Variants in DLGAP2 observed in about 807,000 individuals in gnomAD.
DLGAP2 encodes DLG associated protein 2, also known as disks large-associated protein 2.
Under a neutral mutation model 100.3 loss-of-function variants are expected in DLGAP2, and 26 were observed. That is an observed-to-expected ratio of 0.26 (90% CI 0.19 to 0.36). The LOEUF (loss-of-function observed/expected upper bound fraction) is 0.36. Among genes scored for constraint, DLGAP2 ranks in the 10% least tolerant of loss-of-function variants. The probability of loss-of-function intolerance (pLI) is 1.00; values close to 1 mark genes in which losing one functional copy is unlikely to be tolerated. For missense variants in DLGAP2, 1,858 were observed against 1,453.2 expected (o/e 1.28, Z -4.53); for synonymous variants, 886 against 630.1 (o/e 1.41, Z -6.08).
chr8:835,513 T>C (rs1168395275), intron 1 of DLGAP2, among the ~76,000 whole-genome samples: 1 of 146,886 alleles, frequency 6.8e-6, no homozygotes, highest in Non-Finnish European at 1.5e-5. Context: ...CATCTTGACA[T>C]TTCAGGGTTT....
intron 1 of DLGAP2, among the ~76,000 whole-genome samples, chr8:766,339 C>G (rs1414564770): frequency 6.6e-6 from 1 of 152,236 alleles, no homozygotes; most frequent in South Asian, 2.1e-4. Flanking sequence ...CTGCACACCC[C>G]TTGTTGGTCA....
chr8:746,471 G>C (rs1479782125), intron 1 of DLGAP2, among the ~76,000 whole-genome samples: 1 of 152,230 alleles, frequency 6.6e-6, no homozygotes, highest in Non-Finnish European at 1.5e-5. Context: ...GGGGGCTCCA[G>C]AGCTGGGGGC....
At chr8:872,815 C>G (rs544917191) in intron 1 of DLGAP2, among the ~76,000 whole-genome samples, 8 of 152,344 alleles carry the variant, frequency 5.3e-5, no homozygotes, top group East Asian at 1.9e-4. Flanking sequence ...TAGGCACCCT[C>G]TCTGTCCTCC....
intron 2 of DLGAP2, among the ~76,000 whole-genome samples, chr8:1,103,789 G>A (rs113852505): frequency 2.7e-5 from 4 of 148,924 alleles, no homozygotes; most frequent in Non-Finnish European, 6.0e-5. Context: ...GATGACTGGC[G>A]GGGCCTTGGT....
intron 12 of DLGAP2, among the ~76,000 whole-genome samples, chr8:1,686,728 C>A (rs1483654043): frequency 6.6e-6 from 1 of 150,922 alleles, no homozygotes; most frequent in South Asian, 2.1e-4. Flanking sequence ...GTTACCGGAA[C>A]AGGAGAGAGG....
rs575371491 is a variant in DLGAP2 at position 1,421,155 on chromosome 8, CATA to C, written c.107-80206_107-80204del. On this transcript the variant is annotated intron_variant, in intron 3 of 14. Coordinates refer to ENST00000637795, the MANE Select transcript of DLGAP2 (RefSeq NM_001346810.2). Reference sequence around the variant, plus strand: ...TTTCAGACCTTTGAATTTTGTGGTTCATAATAAACAGGAAGCCGAGCTCATTTT... The same window carrying C: ...TTTCAGACCTTTGAATTTTGTGGTTCATAAACAGGAAGCCGAGCTCATTTT... Among the ~76,000 whole-genome samples the C allele has an allele frequency of 9.5e-4, 145 of 152,296 alleles. 1 individual carries two copies. Among genetic ancestry groups the C allele is most frequent in the African/African-American group, 3.3e-3 (138 of 41,548 alleles).
chr8:947,835 C>T (rs1044923703), intron 2 of DLGAP2, among the ~76,000 whole-genome samples: 33 of 148,226 alleles, frequency 2.2e-4, no homozygotes, highest in Non-Finnish European at 4.6e-4. Flanking sequence ...CCATGGCTCC[C>T]GACCCCGTGC....
In DLGAP2 at chr8:885,438, C is replaced by T. The variant is rs374843050; in HGVS notation, c.19-22474C>T. Among the ~76,000 whole-genome samples, 228 of 152,062 alleles carry T rather than the reference C, an allele frequency of 1.5e-3. 13 individuals carry two copies. The South Asian group carries it at 0.047, about 31-fold the overall frequency. The stretch of plus-strand genomic sequence containing the variant: ...TTTGGCTCTTTGTCTATTGTTGGTA[C>T]AAAGGAAGGCTTGTGATTTTTGCAC... On this transcript the variant is annotated intron_variant, in intron 1 of 14. Transcript: ENST00000637795.
Position 1,138,727 on chromosome 8 carries a change from A to G in DLGAP2, c.74-120124A>G, listed in dbSNP as rs184270348. 2.0e-5 allele frequency among the ~76,000 whole-genome samples: 3 copies of G among 152,020 alleles called. No individual in the cohort carries two copies. In the East Asian group the frequency reaches 5.8e-4, roughly 29 times the overall value. ...GCAGCGGTGCCTTCTCTTCCTGTTT[A>G]TTTACTAGTCCTGGCCTGTGCGGCT... On this transcript the variant is annotated intron_variant, in intron 2 of 14. Coordinates refer to ENST00000637795, the MANE Select transcript of DLGAP2 (RefSeq NM_001346810.2).
At chr8:1,691,757 A>G (rs2130877488) in intron 13 of DLGAP2, 131 bp downstream of exon 13, 2 of 798,910 alleles carry the variant, frequency 2.5e-6, no homozygotes, top group East Asian at 2.7e-5. Flanking sequence ...CACTTACTAC[A>G]GAAGAGGCTT....
chr8:1,219,450 C>T (rs972597388), intron 2 of DLGAP2, among the ~76,000 whole-genome samples: 1 of 152,098 alleles, frequency 6.6e-6, no homozygotes, highest in Non-Finnish European at 1.5e-5. Context: ...AACTTGCATC[C>T]AGGAATCAAT....
chr8:916,015 G>T (rs1330875172), intron 2 of DLGAP2, among the ~76,000 whole-genome samples: 1 of 150,552 alleles, frequency 6.6e-6, no homozygotes, highest in Non-Finnish European at 1.5e-5. Flanking sequence ...TGTTAACCAT[G>T]AGTCCTCCTC....
At chr8:1,509,418 G>A (rs150899522) in intron 4 of DLGAP2, among the ~76,000 whole-genome samples, 29 of 151,970 alleles carry the variant, frequency 1.9e-4, no homozygotes, top group African/African-American at 6.8e-4. Context: ...TTTTTTGGGT[G>A]TGTGCGTGTG....
At chr8:1,139,184 T>G (rs1454716168) in intron 2 of DLGAP2, among the ~76,000 whole-genome samples, 1 of 152,174 alleles carries the variant, frequency 6.6e-6, no homozygotes, top group Non-Finnish European at 1.5e-5. Context: ...GGGCTGCCTG[T>G]GAGACTGGGG....
intron 3 of DLGAP2, chr8:1,302,185 C>T (rs1273842889): frequency 4.6e-5 from 7 of 151,838 alleles, no homozygotes; most frequent in Admixed American, 1.3e-4. Flanking sequence ...TGCTCCATAC[C>T]TGGGACCGGA....
intron 2 of DLGAP2, among the ~76,000 whole-genome samples, chr8:1,145,370 G>A (rs563184558): frequency 6.6e-6 from 1 of 152,304 alleles, no homozygotes; most frequent in African/African-American, 2.4e-5. Flanking sequence ...GGGCTTGTTG[G>A]CTGCGGTTCC....
In DLGAP2 at chr8:1,623,579, ACACCAGTGTGTGATGACCTGG is replaced by A. The variant is rs1797409776; in HGVS notation, c.1443-3150_1443-3130del. On this transcript the variant is annotated intron_variant, in intron 6 of 14. Coordinates refer to ENST00000637795, the MANE Select transcript of DLGAP2 (RefSeq NM_001346810.2). ...CCTGGCACCAGTGCGTGATGACCTG[ACACCAGTGTGTGATGACCTGG>A]CACCAGTGTGCGATGACGTGGCCCC... Among the ~76,000 whole-genome samples, 8 of 135,060 alleles carry A rather than the reference ACACCAGTGTGTGATGACCTGG, an allele frequency of 5.9e-5. No individual in the cohort carries two copies. The South Asian group carries it at 7.3e-4, about 12-fold the overall frequency. The allele number at this position is 135,060 out of a possible 152,430, so 88.6% of individuals were successfully genotyped here. A position where few individuals can be genotyped will look rare whatever the true frequency, so the allele number is the denominator to read the frequency against.
chr8:1,376,078 C>T (rs1802379624), intron 3 of DLGAP2, among the ~76,000 whole-genome samples: 2 of 131,672 alleles, frequency 1.5e-5, no homozygotes, highest in African/African-American at 5.5e-5. Flanking sequence ...TGAGCCCCCA[C>T]CTCCTACATT....
At chr8:802,099 A>ACAGTCTGCACCCCTCC (rs1563039241) in intron 1 of DLGAP2, among the ~76,000 whole-genome samples, 2 of 134,452 alleles carry the variant, frequency 1.5e-5, no homozygotes, top group African/African-American at 2.9e-5. Flanking sequence ...GGCCTGGGGA[A>ACAGTCTGCACCCCTCC]TGGTCCACAC....
Sources: allele counts gnomAD v4.1 joint callset (sites outside exome capture counted in the v4.1 genomes callset), GRCh38; gene constraint gnomAD v4.1.1; transcripts MANE v1.5; gene names NCBI Gene and HGNC (gene_info 2026-07-23, HGNC 2026-07-21).